Variants in IQGAP2 observed in about 807,000 individuals in gnomAD.
IQGAP2 encodes ras GTPase-activating-like protein IQGAP2.
IQGAP2 carries 173 observed loss-of-function variants against 201.3 expected under a neutral mutation model. That is an observed-to-expected ratio of 0.86 (90% CI 0.76 to 0.98). The LOEUF (loss-of-function observed/expected upper bound fraction) is 0.98. Ranked by LOEUF, IQGAP2 falls within the 50% of genes least tolerant of loss-of-function variation. IQGAP2 has a pLI of 0.00. For missense variants in IQGAP2, 1,687 were observed against 1,864.8 expected (o/e 0.90, Z 1.76); for synonymous variants, 675 against 673.9 (o/e 1.00, Z -0.03).
intron 1 of IQGAP2, among the ~76,000 whole-genome samples, chr5:76,447,896 T>C (rs554251909): frequency 1.3e-5 from 2 of 152,344 alleles, no homozygotes; most frequent in African/African-American, 4.8e-5. Flanking sequence ...ACAGACATGA[T>C]ACTTTATGCT....
At chr5:76,571,284 A>G (rs1329041162) in intron 4 of IQGAP2, among the ~76,000 whole-genome samples, 3 of 151,972 alleles carry the variant, frequency 2.0e-5, no homozygotes, top group African/African-American at 7.3e-5. Context: ...TGATTCTCCT[A>G]TCTCTGCCTC....
In IQGAP2 at chr5:76,492,332, C is replaced by A. The variant is rs148840144; in HGVS notation, c.146+30663C>A. On this transcript the variant is annotated intron_variant, in intron 2 of 35. Transcript: ENST00000274364. The stretch of plus-strand genomic sequence containing the variant: ...GTGCCGGACGGCTCAGGCCTCCTGT[C>A]CCTGGAAGGCAGAGTGGGAGCAAGC... Among the ~76,000 whole-genome samples the A allele has an allele frequency of 4.6e-5, 7 of 152,196 alleles. No homozygotes were observed. In the East Asian group the frequency reaches 9.7e-4, roughly 21 times the overall value.
chr5:76,569,638 TAGAAGGTAA>T (rs1744980734), intron 3 of IQGAP2, among the ~76,000 whole-genome samples: 2 of 152,204 alleles, frequency 1.3e-5, no homozygotes, highest in Non-Finnish European at 2.9e-5. Flanking sequence ...TATTAGATTG[TAGAAGGTAA>T]CAGAAGGTGG....
chr5:76,477,328 G>A (rs917636528), intron 2 of IQGAP2, among the ~76,000 whole-genome samples: 16 of 152,204 alleles, frequency 1.1e-4, no homozygotes, highest in African/African-American at 3.9e-4. Context: ...GTGAAAGAGT[G>A]ATACCCTGTC....
intron 1 of IQGAP2, among the ~76,000 whole-genome samples, chr5:76,444,341 C>G (rs1427178958): frequency 6.6e-6 from 1 of 152,218 alleles, no homozygotes; most frequent in African/African-American, 2.4e-5. Context: ...TCTCGTCACC[C>G]AGGCTGGAGT....
chr5:76,679,595 G>A (rs374949920), intron 28 of IQGAP2, among the ~76,000 whole-genome samples: 10 of 152,248 alleles, frequency 6.6e-5, no homozygotes, highest in East Asian at 3.9e-4. Flanking sequence ...AAATTTTTCC[G>A]AATAAAGGGT....
At chr5:76,664,991 A>AC (rs1305248961) in intron 21 of IQGAP2, 35 bp from the exon 22 acceptor site, 28 of 1,075,416 alleles carry the variant, frequency 2.6e-5, no homozygotes, top group Non-Finnish European at 3.4e-5. Context: ...GAGTATGAGA[A>AC]TTAAAAAGGA....
chr5:76,686,932 G>A (rs1259840738), intron 30 of IQGAP2, among the ~76,000 whole-genome samples: 3 of 152,172 alleles, frequency 2.0e-5, no homozygotes, highest in African/African-American at 7.2e-5. Context: ...TACATGTATG[G>A]CTTTATTTCT....
intron 2 of IQGAP2, among the ~76,000 whole-genome samples, chr5:76,482,128 C>A (rs917211263): frequency 6.6e-6 from 1 of 152,166 alleles, no homozygotes; most frequent in Non-Finnish European, 1.5e-5. Context: ...ATACAAGTAG[C>A]GCATGGGATG....
intron 1 of IQGAP2, among the ~76,000 whole-genome samples, chr5:76,456,258 T>C (rs1418862869): frequency 1.3e-5 from 2 of 152,224 alleles, no homozygotes; most frequent in African/African-American, 4.8e-5. Flanking sequence ...GGGGTGGCAG[T>C]CTCTTTCATC....
At chr5:76,571,532 G>T (rs1302619620) in intron 4 of IQGAP2, among the ~76,000 whole-genome samples, 1 of 152,104 alleles carries the variant, frequency 6.6e-6, no homozygotes, top group Non-Finnish European at 1.5e-5. Context: ...AGGCTAGTGG[G>T]TTATAGCTCT....
At chr5:76,418,554 G>A (rs903487388) in intron 1 of IQGAP2, among the ~76,000 whole-genome samples, 5 of 148,340 alleles carry the variant, frequency 3.4e-5, no homozygotes, top group African/African-American at 1.3e-4. Flanking sequence ...TTAAAAATTA[G>A]CTGTACTCTA....
intron 30 of IQGAP2, among the ~76,000 whole-genome samples, chr5:76,690,559 C>G (rs1746176286): frequency 6.6e-6 from 1 of 152,022 alleles, no homozygotes; most frequent in South Asian, 2.1e-4. Context: ...AGAGTGAGCT[C>G]CTGTTTGAGA....
intron 1 of IQGAP2, among the ~76,000 whole-genome samples, chr5:76,432,737 G>A (rs982177876): frequency 2.6e-5 from 4 of 152,264 alleles, no homozygotes; most frequent in Admixed American, 1.3e-4. Context: ...TTATGGTTTA[G>A]TAGGATAGAC....
At chr5:76,447,812 T>A (rs1352100471) in intron 1 of IQGAP2, among the ~76,000 whole-genome samples, 1 of 152,240 alleles carries the variant, frequency 6.6e-6, no homozygotes, top group African/African-American at 2.4e-5. Flanking sequence ...GGGAACCCCT[T>A]CTATTTTAAA....
At chr5:76,534,443 A>T (rs1023960241) in intron 2 of IQGAP2, among the ~76,000 whole-genome samples, 1 of 152,252 alleles carries the variant, frequency 6.6e-6, no homozygotes, top group Admixed American at 6.5e-5. Context: ...GATTATCTGG[A>T]TGAGAAAACA....
At chr5:76,528,008 T>C (rs1185916999) in intron 2 of IQGAP2, among the ~76,000 whole-genome samples, 1 of 152,234 alleles carries the variant, frequency 6.6e-6, no homozygotes, top group Non-Finnish European at 1.5e-5. Context: ...GATCTCCCTT[T>C]GCTTCCCTAT....
intron 2 of IQGAP2, among the ~76,000 whole-genome samples, chr5:76,534,076 G>A (rs917192046): frequency 3.3e-5 from 5 of 152,174 alleles, no homozygotes; most frequent in African/African-American, 1.2e-4. Flanking sequence ...TTCTCATGCT[G>A]TAATAGTTGA....
intron 2 of IQGAP2, among the ~76,000 whole-genome samples, chr5:76,561,698 C>T (rs549973458): frequency 6.6e-6 from 1 of 152,306 alleles, no homozygotes; most frequent in South Asian, 2.1e-4. Flanking sequence ...GTCCTTGAGC[C>T]AGTAATGACC....
Sources: allele counts gnomAD v4.1 joint callset (sites outside exome capture counted in the v4.1 genomes callset), GRCh38; gene constraint gnomAD v4.1.1; transcripts MANE v1.5; gene names NCBI Gene and HGNC (gene_info 2026-07-23, HGNC 2026-07-21).